Variants in AGMO observed in about 807,000 individuals in gnomAD.
The protein encoded by AGMO is alkylglycerol monooxygenase, also known as glyceryl-ether monooxygenase.
A neutral mutation model predicts 60.2 loss-of-function variants in AGMO; 75 were observed. The observed-to-expected ratio is 1.25, with a 90% CI of 1.03 to 1.51. The LOEUF is 1.51. Ranked by LOEUF, AGMO falls within the 40% of genes most tolerant of loss-of-function variation. The pLI is 0.00. For synonymous variants in AGMO, 261 were observed against 177.1 expected (o/e 1.47, Z -3.76); for missense variants, 763 against 525.5 (o/e 1.45, Z -4.42).
intron 3 of AGMO, among the ~76,000 whole-genome samples, chr7:15,473,984 C>T (rs1350106170): frequency 6.6e-6 from 1 of 152,016 alleles, no homozygotes; most frequent in Admixed American, 6.6e-5. Context: ...CCTAGGAATA[C>T]AATCTACAAG....
intron 3 of AGMO, among the ~76,000 whole-genome samples, chr7:15,463,688 G>A (rs17168763): frequency 0.18 from 27,998 of 151,942 alleles, 3,655 homozygotes; most frequent in East Asian, 0.61. Flanking sequence ...ATCTAGAGGT[G>A]TGAAATTGGA....
intron 12 of AGMO, among the ~76,000 whole-genome samples, chr7:15,231,995 T>C (rs1163608023): frequency 1.3e-5 from 2 of 152,196 alleles, no homozygotes; most frequent in Non-Finnish European, 2.9e-5. Flanking sequence ...CTCTTTAAAA[T>C]TGCTAATTTT....
At chr7:15,285,466 C>T (rs1397125077) in intron 12 of AGMO, among the ~76,000 whole-genome samples, 3 of 151,978 alleles carry the variant, frequency 2.0e-5, no homozygotes, top group African/African-American at 7.2e-5. Flanking sequence ...AACCCAATTC[C>T]TTTTACAATA....
chr7:15,522,893 A>T (rs1232788759), intron 3 of AGMO, among the ~76,000 whole-genome samples: 4 of 152,190 alleles, frequency 2.6e-5, no homozygotes, highest in African/African-American at 9.7e-5. Flanking sequence ...AGAAACTATC[A>T]TCGGCATGAA....
intron 12 of AGMO, among the ~76,000 whole-genome samples, chr7:15,312,896 C>T (rs1321413791): frequency 6.6e-6 from 1 of 151,894 alleles, no homozygotes; most frequent in Admixed American, 6.6e-5. Context: ...CTCAAACTCC[C>T]GAACTCAAGC....
the AGMO span, among the ~76,000 whole-genome samples, chr7:15,123,982 T>A: frequency 1.3e-5 from 2 of 152,232 alleles, no homozygotes; most frequent in African/African-American, 4.8e-5. Context: ...AATATTCTTA[T>A]GACGTGTCTC....
At chr7:15,159,261 T>C in the AGMO span, among the ~76,000 whole-genome samples, 3 of 152,170 alleles carry the variant, frequency 2.0e-5, no homozygotes, top group African/African-American at 4.8e-5. Context: ...AAGAAACCTA[T>C]TTATGATGAG....
intron 5 of AGMO, among the ~76,000 whole-genome samples, chr7:15,404,939 C>G (rs1026090933): frequency 6.6e-6 from 1 of 151,790 alleles, no homozygotes; most frequent in Non-Finnish European, 1.5e-5. Context: ...AAACTTTTAT[C>G]TGTTAAAAAA....
At chr7:15,374,902 G>A (rs1303140141) in intron 10 of AGMO, among the ~76,000 whole-genome samples, 2 of 152,190 alleles carry the variant, frequency 1.3e-5, no homozygotes, top group African/African-American at 2.4e-5. Flanking sequence ...CAAGTCTTTA[G>A]CAAGTCAGCT....
intron 12 of AGMO, among the ~76,000 whole-genome samples, chr7:15,339,228 T>A (rs1050964250): frequency 2.0e-5 from 3 of 152,174 alleles, no homozygotes; most frequent in Non-Finnish European, 4.4e-5. Flanking sequence ...CTGAGGGGCC[T>A]GCAAAAATAT....
intron 3 of AGMO, among the ~76,000 whole-genome samples, chr7:15,458,813 A>G (rs10250612): frequency 0.021 from 3,150 of 152,254 alleles, 88 homozygotes; most frequent in African/African-American, 0.065. Context: ...CCAAGTCAGG[A>G]ACCCTGGACT....
chr7:15,195,971 T>C (rs952051011), downstream of AGMO, among the ~76,000 whole-genome samples: 5 of 152,006 alleles, frequency 3.3e-5, no homozygotes, highest in African/African-American at 4.8e-5. Context: ...GATGCTTACA[T>C]AGTATTTACA....
At chr7:15,406,086 T>C (rs58852304) in intron 5 of AGMO, among the ~76,000 whole-genome samples, 13,597 of 151,662 alleles carry the variant, frequency 0.09, 1,034 homozygotes, top group African/African-American at 0.2. Flanking sequence ...AGTAAAACTC[T>C]TCTAACTTTG....
intron 9 of AGMO, 98 bp downstream of exon 9, chr7:15,387,308 T>C: frequency 7.3e-7 from 1 of 1,374,748 alleles, no homozygotes; most frequent in Non-Finnish European, 9.9e-7. Flanking sequence ...GAACATCTTT[T>C]TACAGATTTG....
rs918067879 is a variant in AGMO at position 15,547,673 on chromosome 7, G to A, written c.258-2750C>T. The stretch of plus-strand genomic sequence containing the variant: ...CTGGCTCGGAGGGTCCTACGCCCAC[G>A]GAGTCTCGCTGATTGCTAGCACAGC... On this transcript the variant is annotated intron_variant, in intron 2 of 12. Transcript: ENST00000342526. 4.3e-4 allele frequency among the ~76,000 whole-genome samples: 66 copies of A among 152,174 alleles called. 1 individual carries two copies. The highest frequency in any genetic ancestry group is 1.5e-3 in the African/African-American group (61 of 41,530).
intron 3 of AGMO, among the ~76,000 whole-genome samples, chr7:15,448,030 C>A (rs1380292449): frequency 6.6e-6 from 1 of 152,138 alleles, no homozygotes; most frequent in Non-Finnish European, 1.5e-5. Context: ...AATGTCAAAA[C>A]CACCAAACCC....
intron 12 of AGMO, among the ~76,000 whole-genome samples, chr7:15,307,404 C>G (rs1780645940): frequency 6.6e-6 from 1 of 151,836 alleles, no homozygotes; most frequent in African/African-American, 2.4e-5. Flanking sequence ...GTGACAGTGC[C>G]AGTGGTGAAT....
chr7:15,460,026 C>A (rs1301473697), intron 3 of AGMO, among the ~76,000 whole-genome samples: 2 of 151,690 alleles, frequency 1.3e-5, no homozygotes, highest in Non-Finnish European at 2.9e-5. Context: ...ATGTGTATAG[C>A]AAGTTTACCT....
At chr7:15,425,788 G>T (rs1781044280) in intron 4 of AGMO, among the ~76,000 whole-genome samples, 1 of 151,808 alleles carries the variant, frequency 6.6e-6, no homozygotes, top group African/African-American at 2.4e-5. Flanking sequence ...CCTTTTTTAG[G>T]GTTGCTAATA....
Sources: gnomAD v4.1 joint callset for allele counts (sites outside exome capture counted in the v4.1 genomes callset) on GRCh38, gnomAD v4.1.1 for gene constraint, MANE v1.5 for transcripts, NCBI Gene and HGNC (gene_info 2026-07-23, HGNC 2026-07-21) for gene names.